FOLR3: variants seen among roughly 807,000 people sequenced by gnomAD.
FOLR3 encodes folate receptor 3 (gamma).
FOLR3 carries 9 observed loss-of-function variants against 20.0 expected under a neutral mutation model. The observed-to-expected ratio is 0.45, with a 90% CI of 0.27 to 0.79. FOLR3 has a LOEUF of 0.79. FOLR3 is among the 30% of genes least tolerant of loss of function. The probability of loss-of-function intolerance (pLI) is 0.15; values close to 1 mark genes in which losing one functional copy is unlikely to be tolerated. For missense variants in FOLR3, 309 were observed against 323.5 expected, an observed-to-expected ratio of 0.96 and a Z score of 0.34; for synonymous variants, 124 against 115.5, an observed-to-expected ratio of 1.07 and a Z score of -0.47.
At chr11:72,138,323 G>A (rs796800500) in intron 2 of FOLR3, among the ~76,000 whole-genome samples, 10 of 151,906 alleles carry the variant, frequency 6.6e-5, no homozygotes, top group African/African-American at 2.2e-4. Context: ...CCAAGATCAC[G>A]CCACTGCACT....
chr11:72,136,832 G>T (rs1224902606), intron 2 of FOLR3, among the ~76,000 whole-genome samples: 1 of 152,176 alleles, frequency 6.6e-6, no homozygotes, highest in Non-Finnish European at 1.5e-5. Context: ...CCTTACTATA[G>T]CAAGGGAGTT....
chr11:72,138,227 A>T (rs1197155952), intron 2 of FOLR3, among the ~76,000 whole-genome samples: 1 of 152,044 alleles, frequency 6.6e-6, no homozygotes, highest in Non-Finnish European at 1.5e-5. Flanking sequence ...TTAGCTGGGC[A>T]TGGTGGCACG....
intron 3 of FOLR3, 92 bp from the exon 4 acceptor site, chr11:72,139,255 G>A (rs940963977): frequency 1.3e-6 from 2 of 1,549,532 alleles, no homozygotes; most frequent in Non-Finnish European, 1.7e-6. Flanking sequence ...GGTGGTGGAC[G>A]CCCTGCCCCC....
chr11:72,138,027 A>C (rs1256575082), intron 2 of FOLR3, among the ~76,000 whole-genome samples: 2 of 152,180 alleles, frequency 1.3e-5, no homozygotes, highest in Non-Finnish European at 2.9e-5. Context: ...ATCAGCACTC[A>C]GTTAATATTG....
In FOLR3 at chr11:72,139,739, T is replaced by C. The variant is rs1314706423; in HGVS notation, c.646T>C (p.Ser216Pro). Reference sequence around the variant, plus strand: ...CCGCTGCATCCAGATGTGGTTTGACTCAGCCCAGGGCAACCCCAATGAGGA... The same window carrying C: ...CCGCTGCATCCAGATGTGGTTTGACCCAGCCCAGGGCAACCCCAATGAGGA... ...SGRCIQMWFD[S>P]AQGNPNEEVA... Residue 216 changes from serine (S) to proline (P), a missense_variant, in exon 5 of 5, where the codon TCA (serine) becomes CCA (proline). Transcript: ENST00000611028. 1.2e-6 allele frequency: 2 copies of C among 1,613,938 alleles called. No individual in the cohort carries two copies. The highest frequency in any genetic ancestry group is 2.2e-5 in the East Asian group (1 of 44,874).
intron 2 of FOLR3, chr11:72,138,719 C>T: frequency 1.8e-6 from 1 of 553,930 alleles, no homozygotes; most frequent in Non-Finnish European, 3.2e-6. Context: ...CTGCAGTGAG[C>T]TATGATCACA....
rs1457681679 is a variant in FOLR3, at chr11:72,136,007, G to A, written c.55G>A (p.Ala19Thr). 1.9e-6 allele frequency: 3 copies of A among 1,613,964 alleles called. No individual in the cohort carries two copies. The Admixed American group carries it at 5.0e-5, about 27-fold the overall frequency. ...GCTGCTTCTGGCTTTGGTGACTGCT[G>A]CGGGGAGTGCCCAGCCCAGGAGTGC... ...QLLLLALVTA[A>T]GSAQPRSARA... Residue 19 changes from alanine (A) to threonine (T), a missense_variant, in exon 2 of 5, where the codon GCG becomes ACG. By Grantham distance (58) the Ala-to-Thr change is moderately conservative. Transcript: ENST00000611028.
At chr11:72,139,198 T>A (rs748027293) in intron 3 of FOLR3, 49 bp downstream of exon 3, 41 of 1,576,922 alleles carry the variant, frequency 2.6e-5, no homozygotes, top group Non-Finnish European at 3.5e-5. Flanking sequence ...GGGCGGAGCC[T>A]GCCAGTTGCT....
chr11:72,137,890 T>G (rs1191658407), intron 2 of FOLR3, among the ~76,000 whole-genome samples: 1 of 151,744 alleles, frequency 6.6e-6, no homozygotes, highest in Non-Finnish European at 1.5e-5. Context: ...ATGCCTAGAG[T>G]GTTCTTTGTC....
In FOLR3 at chr11:72,139,667, C is replaced by G; in HGVS notation, c.574C>G (p.Leu192Val). 6.2e-7 allele frequency: 1 copy of G among 1,613,590 alleles called. No individual in the cohort carries two copies. Among genetic ancestry groups the G allele is most frequent in the Non-Finnish European group, 8.5e-7 (1 of 1,179,896 alleles). ...FPTPAALCEG[L>V]WSHSFKVSNY... ...CACTCCAGCCGCCCTTTGTGAAGGC[C>G]TCTGGAGCCACTCCTTCAAGGTCAG... The change falls in exon 5 of 5, where the codon CTC (leucine) becomes GTC (valine). Residue 192 changes from leucine to valine, a missense_variant. Coordinates refer to ENST00000611028, the MANE Select transcript of FOLR3 (RefSeq NM_000804.4).
rs780352805 is a variant in FOLR3, at chr11:72,139,595, G to A, written c.502G>A (p.Glu168Lys). Residue 168 changes from glutamate to lysine, a missense_variant, in exon 5 of 5, where the codon GAG (glutamate) becomes AAG (lysine). Coordinates refer to ENST00000611028, the MANE Select transcript of FOLR3 (RefSeq NM_000804.4). Reference sequence around the variant, plus strand: ...ACGTTCTCCTCCCTCAGGGATTAATGAGTGTCCGGCCGGGGCCCTCTGCAG... The same window carrying A: ...ACGTTCTCCTCCCTCAGGGATTAATAAGTGTCCGGCCGGGGCCCTCTGCAG... ...KGWNWTSGIN[E>K]CPAGALCSTF... The A allele has an allele frequency of 4.0e-5, 64 of 1,613,758 alleles. 1 individual carries two copies. Among genetic ancestry groups the A allele is most frequent in the South Asian group, 7.7e-5 (7 of 91,076 alleles).
Position 72,139,427 on chromosome 11 carries a change from T to A in FOLR3, c.438T>A (p.Cys146Ter), listed in dbSNP as rs747935016. 1 of 1,612,520 alleles carries A rather than the reference T, an allele frequency of 6.2e-7. No individual in the cohort carries two copies. The highest frequency in any genetic ancestry group is 1.3e-5 in the African/African-American group (1 of 74,912). Residue 146 changes from cysteine (C) to a stop codon, truncating the protein, a stop_gained, in exon 4 of 5, where the codon TGT (cysteine) becomes TGA (stop). Coordinates refer to ENST00000611028, the MANE Select transcript of FOLR3 (RefSeq NM_000804.4). LOFTEE classifies it high-confidence loss of function. The stretch of plus-strand genomic sequence containing the variant: ...ACTGTGAGCGCTGGTGGGAGGACTG[T>A]CGCACCTCCTACACCTGCAAAAGCA... Reference protein sequence around the residue: ...KEDCERWWEDCRTSYTCKSNW... With the variant: ...KEDCERWWED
At position 72,139,803 on chromosome 11, in the gene FOLR3, C is replaced by T. The variant is rs757358593; in HGVS notation, c.710C>T (p.Ala237Val). 1 of 1,613,848 alleles carries T rather than the reference C, an allele frequency of 6.2e-7. No individual in the cohort carries two copies. The highest frequency in any genetic ancestry group is 1.1e-5 in the South Asian group (1 of 91,080). ...KFYAAAMNAG[A>V]PSRGIIDS is the part of the protein sequence containing the mutation. ...TATGCTGCGGCCATGAATGCTGGGG[C>T]CCCGTCTCGTGGGATTATTGATTCC... The change falls in exon 5 of 5, where the codon GCC (alanine) becomes GTC (valine). Residue 237 changes from alanine (A) to valine (V), a missense_variant. Ala to Val is a moderately conservative substitution (Grantham distance 64, BLOSUM62 0). Transcript: ENST00000611028.
intron 2 of FOLR3, among the ~76,000 whole-genome samples, chr11:72,137,071 G>A (rs1443909849): frequency 6.6e-6 from 1 of 152,182 alleles, no homozygotes; most frequent in Non-Finnish European, 1.5e-5. Flanking sequence ...GGTAGGTCTG[G>A]CTCCCCTCCC....
intron 3 of FOLR3, 22 bp from the exon 4 acceptor site, chr11:72,139,325 A>G (rs756973426): frequency 3.7e-6 from 6 of 1,608,880 alleles, no homozygotes; most frequent in Admixed American, 1.7e-5. Context: ...TGACAGGAGT[A>G]TTCTGTCTCC....
In FOLR3 at chr11:72,139,625, T is replaced by C; in HGVS notation, c.532T>C (p.Phe178Leu). Residue 178 changes from phenylalanine (F) to leucine (L), a missense_variant, in exon 5 of 5, where the codon TTT (phenylalanine) becomes CTT (leucine). Physicochemically the swap from Phe to Leu is conservative, Grantham distance 22 (BLOSUM62 0). Transcript: ENST00000611028. ...TCCGGCCGGGGCCCTCTGCAGCACC[T>C]TTGAGTCCTACTTCCCCACTCCAGC... Reference protein sequence around the residue: ...ECPAGALCSTFESYFPTPAAL... With the variant: ...ECPAGALCSTLESYFPTPAAL... The C allele has an allele frequency of 6.2e-7, 1 of 1,613,660 alleles. No individual in the cohort carries two copies. Among genetic ancestry groups the C allele is most frequent in the Non-Finnish European group, 8.5e-7 (1 of 1,179,884 alleles).
rs137925768 is a variant in FOLR3 at position 72,137,544 on chromosome 11, T to A, written c.169-1417T>A. ...TTCGCTCTTGTTGCCCAGGCTGGAA[T>A]GCAATGGCATGATCTTGGCTCACTG... On this transcript the variant is annotated intron_variant, in intron 2 of 4. Transcript: ENST00000611028. Among the ~76,000 whole-genome samples, 1,317 of 152,006 alleles carry A rather than the reference T, an allele frequency of 8.7e-3. 15 individuals carry two copies. Among genetic ancestry groups the A allele is most frequent in the African/African-American group, 0.03 (1,241 of 41,432 alleles).
intron 2 of FOLR3, 165 bp from the exon 3 acceptor site, chr11:72,138,796 C>T (rs207472004): frequency 3.9e-5 from 29 of 734,910 alleles, no homozygotes; most frequent in African/African-American, 1.8e-4. Context: ...ATAAATAGGG[C>T]GGAAAGCACC....
chr11:72,139,216 A>T, intron 3 of FOLR3, 67 bp downstream of exon 3: 1 of 1,566,636 alleles, frequency 6.4e-7, no homozygotes, highest in Non-Finnish European at 8.7e-7. Context: ...GCTGGCAGGG[A>T]GGGCTTGGTC....
Sources: gnomAD v4.1 joint callset for allele counts (sites outside exome capture counted in the v4.1 genomes callset) on GRCh38, gnomAD v4.1.1 for gene constraint, MANE v1.5 for transcripts, NCBI Gene and HGNC (gene_info 2026-07-23, HGNC 2026-07-21) for gene names.